The following NALF1 variants were observed in gnomAD, a reference collection of about 807,000 sequenced individuals.
NALF1 encodes NALCN channel auxiliary factor 1, also known as family with sequence similarity 155 member A.
In NALF1, 3 loss-of-function variants were observed where a neutral mutation model predicts 48.4. That is an observed-to-expected ratio of 0.06 (90% CI 0.03 to 0.16). NALF1 has a LOEUF of 0.16. Ranked by LOEUF, NALF1 falls within the 10% of genes least tolerant of loss-of-function variation. NALF1 has a pLI of 1.00. For synonymous variants in NALF1, 262 were observed against 245.7 expected, an observed-to-expected ratio of 1.07 and a Z score of -0.62; for missense variants, 526 against 571.5, an observed-to-expected ratio of 0.92 and a Z score of 0.81.
At chr13:107,271,915 A>C in intron 1 of NALF1, among the ~76,000 whole-genome samples, 1 of 150,886 alleles carries the variant, frequency 6.6e-6, no homozygotes, top group East Asian at 1.9e-4. Context: ...CAAATGAATT[A>C]ATATGAGCAC....
chr13:107,547,403 T>A (rs1877164053), intron 1 of NALF1, among the ~76,000 whole-genome samples: 1 of 152,220 alleles, frequency 6.6e-6, no homozygotes, highest in African/African-American at 2.4e-5. Flanking sequence ...TAAGAGTCTA[T>A]AATAAATATC....
At chr13:107,261,468 G>A (rs1056661697) in intron 1 of NALF1, among the ~76,000 whole-genome samples, 4 of 152,164 alleles carry the variant, frequency 2.6e-5, no homozygotes, top group Non-Finnish European at 5.9e-5. Flanking sequence ...TCTGACTCAT[G>A]TACTTTGGGA....
chr13:107,610,648 G>A (rs1879200599), intron 1 of NALF1, among the ~76,000 whole-genome samples: 1 of 152,140 alleles, frequency 6.6e-6, no homozygotes, highest in African/African-American at 2.4e-5. Flanking sequence ...AACATTATTT[G>A]TATCATTAAA....
chr13:107,687,016 C>T (rs1881447540), intron 1 of NALF1, among the ~76,000 whole-genome samples: 1 of 152,152 alleles, frequency 6.6e-6, no homozygotes, highest in South Asian at 2.1e-4. Context: ...TTTATTGCAG[C>T]CTTATTCACA....
intron 1 of NALF1, among the ~76,000 whole-genome samples, chr13:107,393,965 T>A (rs1883668950): frequency 6.6e-6 from 1 of 152,130 alleles, no homozygotes; most frequent in African/African-American, 2.4e-5. Flanking sequence ...AAAAAGTAAA[T>A]TGCTATATAA....
intron 1 of NALF1, among the ~76,000 whole-genome samples, chr13:107,762,622 G>T (rs2138562695): frequency 6.6e-6 from 1 of 152,042 alleles, no homozygotes; most frequent in African/African-American, 2.4e-5. Context: ...AGGAGAGGAG[G>T]AGTCAGTTCA....
intron 1 of NALF1, among the ~76,000 whole-genome samples, chr13:107,610,027 T>C (rs1879183970): frequency 1.3e-5 from 2 of 152,162 alleles, no homozygotes; most frequent in African/African-American, 4.8e-5. Context: ...TTAGAAGTGA[T>C]GAAATGAATA....
At chr13:107,312,599 C>G (rs973111606) in intron 1 of NALF1, among the ~76,000 whole-genome samples, 1 of 151,964 alleles carries the variant, frequency 6.6e-6, no homozygotes, top group Non-Finnish European at 1.5e-5. Flanking sequence ...CAAAATTAGA[C>G]ATCTCCAAAA....
At chr13:107,706,852 A>G (rs1385404588) in intron 1 of NALF1, among the ~76,000 whole-genome samples, 3 of 151,952 alleles carry the variant, frequency 2.0e-5, no homozygotes, top group Non-Finnish European at 4.4e-5. Context: ...GTTGAATACA[A>G]CTGCTTAATT....
At chr13:107,533,673 C>G (rs1876713377) in intron 1 of NALF1, among the ~76,000 whole-genome samples, 1 of 152,118 alleles carries the variant, frequency 6.6e-6, no homozygotes, top group Admixed American at 6.6e-5. Context: ...CAGGAAAGGA[C>G]TTGAGGAAGT....
intron 1 of NALF1, among the ~76,000 whole-genome samples, chr13:107,797,451 C>T (rs1241606926): frequency 2.0e-5 from 3 of 152,268 alleles, no homozygotes; most frequent in Middle Eastern, 3.4e-3. Flanking sequence ...CCTCATGATC[C>T]GCCTGCTTCA....
chr13:107,503,254 C>G (rs1473774255), intron 1 of NALF1, among the ~76,000 whole-genome samples: 2 of 151,810 alleles, frequency 1.3e-5, no homozygotes, highest in Non-Finnish European at 2.9e-5. Flanking sequence ...TTTAACGGGC[C>G]CTTCAGTAAC....
intron 1 of NALF1, among the ~76,000 whole-genome samples, chr13:107,394,010 TA>T (rs1566323603): frequency 1.3e-5 from 2 of 152,190 alleles, no homozygotes; most frequent in African/African-American, 2.4e-5. Context: ...GAAGTAGTGT[TA>T]AAACGTATAG....
chr13:107,446,030 C>G (rs544570239), intron 1 of NALF1, among the ~76,000 whole-genome samples: 6 of 152,216 alleles, frequency 3.9e-5, no homozygotes, highest in Non-Finnish European at 7.4e-5. Flanking sequence ...CCTCCGCTTC[C>G]CGGGTTCAAG....
At chr13:107,740,540 A>C (rs1407079800) in intron 1 of NALF1, among the ~76,000 whole-genome samples, 3 of 152,232 alleles carry the variant, frequency 2.0e-5, no homozygotes, top group Non-Finnish European at 4.4e-5. Flanking sequence ...TAGATTATTC[A>C]TCACAATCTT....
intron 1 of NALF1, among the ~76,000 whole-genome samples, chr13:107,424,980 G>C (rs1440953168): frequency 6.6e-6 from 1 of 152,188 alleles, no homozygotes; most frequent in Non-Finnish European, 1.5e-5. Flanking sequence ...CAGTCACAAA[G>C]CTCCTCATTC....
chr13:107,384,727 A>G (rs1011152482), intron 1 of NALF1, among the ~76,000 whole-genome samples: 2 of 152,194 alleles, frequency 1.3e-5, no homozygotes, highest in African/African-American at 4.8e-5. Flanking sequence ...GTGTATTTGA[A>G]ACAAAAGAAG....
At chr13:107,395,877 C>T (rs1320767018) in intron 1 of NALF1, among the ~76,000 whole-genome samples, 1 of 152,046 alleles carries the variant, frequency 6.6e-6, no homozygotes, top group African/African-American at 2.4e-5. Context: ...GATTAGAGAC[C>T]ATCCTAATGA....
chr13:107,453,403 T>G (rs896530995), intron 1 of NALF1, among the ~76,000 whole-genome samples: 5 of 152,244 alleles, frequency 3.3e-5, no homozygotes, highest in Non-Finnish European at 7.3e-5. Context: ...ATGGAAGCCA[T>G]CAAGGCATGA....
Sources: gnomAD v4.1 joint callset for allele counts (sites outside exome capture counted in the v4.1 genomes callset) on GRCh38, gnomAD v4.1.1 for gene constraint, MANE v1.5 for transcripts, NCBI Gene and HGNC (gene_info 2026-07-23, HGNC 2026-07-21) for gene names.